The following UBE3A variants were observed in gnomAD, a reference collection of about 807,000 sequenced individuals.
The protein encoded by UBE3A is ubiquitin protein ligase E3A, also known as ubiquitin-protein ligase E3A.
In UBE3A, 6 loss-of-function variants were observed where a neutral mutation model predicts 83.4. The observed-to-expected ratio is 0.07, with a 90% CI of 0.04 to 0.14. The LOEUF (loss-of-function observed/expected upper bound fraction) is 0.14, where lower values mean the gene tolerates loss of function less well. Among genes scored for constraint, UBE3A ranks in the 10% least tolerant of loss-of-function variants. UBE3A has a pLI of 1.00. For synonymous variants in UBE3A, 337 were observed against 355.4 expected (o/e 0.95, Z 0.58); for missense variants, 456 against 1,036.1 (o/e 0.44, Z 7.69).
rs1008903975 is a variant in UBE3A, at chr15:25,337,528, T to TAACA, written c.*1605_*1608dup. 18 of 152,286 alleles carry TAACA rather than the reference T, an allele frequency of 1.2e-4. No individual in the cohort carries two copies. Among genetic ancestry groups the TAACA allele is most frequent in the South Asian group, 4.1e-4 (2 of 4,832 alleles). 9.4% of individuals were successfully genotyped at this position (152,286 alleles called of 1,614,324 possible). The stretch of plus-strand genomic sequence containing the variant: ...CAGTTTTATTTAGCATTATGGTACA[T>TAACA]AACAAACAGTTCTGTCTCAATTATG... On this transcript the variant is annotated 3_prime_UTR_variant, in exon 13 of 13. Coordinates refer to ENST00000648336, the MANE Select transcript of UBE3A (RefSeq NM_130839.5).
At chr15:25,365,077 G>A (rs775526560) in intron 6 of UBE3A, among the ~76,000 whole-genome samples, 5 of 152,020 alleles carry the variant, frequency 3.3e-5, no homozygotes, top group Non-Finnish European at 1.5e-5. Flanking sequence ...TCTTCACTGC[G>A]TAACTTCCTC....
chr15:25,435,536 A>G (rs972884640), intron 1 of UBE3A, among the ~76,000 whole-genome samples: 3 of 152,154 alleles, frequency 2.0e-5, no homozygotes, highest in African/African-American at 7.2e-5. Context: ...AATGGAATTA[A>G]TGCCTCTATA....
At chr15:25,433,317 G>T (rs905467656) in intron 1 of UBE3A, among the ~76,000 whole-genome samples, 1 of 151,398 alleles carries the variant, frequency 6.6e-6, no homozygotes, top group African/African-American at 2.4e-5. Context: ...CTGAGTAGTT[G>T]GGACTACAGG....
chr15:25,395,878 G>A (rs1169422866), intron 4 of UBE3A, among the ~76,000 whole-genome samples: 1 of 152,154 alleles, frequency 6.6e-6, no homozygotes, highest in African/African-American at 2.4e-5. Context: ...CATAGCCTTA[G>A]TGTTAGAGGT....
chr15:25,340,006 A>G, intron 12 of UBE3A, 79 bp downstream of exon 12: 12 of 1,564,374 alleles, frequency 7.7e-6, no homozygotes, highest in Non-Finnish European at 1.1e-5. Context: ...CTCAGAAACT[A>G]TAAAGACAGT....
At chr15:25,399,618 G>C (rs1179175710) in intron 4 of UBE3A, among the ~76,000 whole-genome samples, 2 of 151,972 alleles carry the variant, frequency 1.3e-5, no homozygotes, top group Non-Finnish European at 2.9e-5. Context: ...ATCCAGGCTG[G>C]AGTGCAGTGA....
intron 1 of UBE3A, among the ~76,000 whole-genome samples, chr15:25,429,118 T>G (rs766370466): frequency 6.6e-6 from 1 of 152,210 alleles, no homozygotes; most frequent in African/African-American, 2.4e-5. Flanking sequence ...GACAGCGTTA[T>G]ACATGTCTGT....
rs898609865 is a variant in UBE3A, at chr15:25,387,836, G to A, written c.63-12073C>T. The stretch of plus-strand genomic sequence containing the variant: ...TAAAAGGATAATCAAGGGATATTAT[G>A]AACAACTTTACGGCCACGAATTTGG... On this transcript the variant is annotated intron_variant, in intron 4 of 12. Coordinates refer to ENST00000648336, the MANE Select transcript of UBE3A (RefSeq NM_130839.5). Among the ~76,000 whole-genome samples the A allele has an allele frequency of 3.9e-5, 6 of 152,242 alleles. No homozygotes were observed. In the East Asian group the frequency reaches 9.7e-4, roughly 25 times the overall value.
chr15:25,388,651 A>G (rs1331366977), intron 4 of UBE3A, among the ~76,000 whole-genome samples: 1 of 152,182 alleles, frequency 6.6e-6, no homozygotes, highest in African/African-American at 2.4e-5. Flanking sequence ...ACAAAAAAAT[A>G]CAACTGCCTT....
chr15:25,409,431 G>T, intron 2 of UBE3A: 1 of 232,548 alleles, frequency 4.3e-6, no homozygotes, highest in Non-Finnish European at 8.4e-6. Flanking sequence ...TTTATGTAAT[G>T]TTATAGTTTC....
chr15:25,436,124 C>G (rs1441305721), intron 1 of UBE3A, among the ~76,000 whole-genome samples: 1 of 152,138 alleles, frequency 6.6e-6, no homozygotes, highest in African/African-American at 2.4e-5. Flanking sequence ...TGTCTTGTTA[C>G]TACATTTTAT....
At chr15:25,431,815 A>C (rs1441843783) in intron 1 of UBE3A, among the ~76,000 whole-genome samples, 1 of 152,248 alleles carries the variant, frequency 6.6e-6, no homozygotes, top group Non-Finnish European at 1.5e-5. Context: ...ACAAAAACTT[A>C]AAATATTTAG....
At chr15:25,364,937 C>T (rs1214123657) in intron 6 of UBE3A, among the ~76,000 whole-genome samples, 10 of 151,984 alleles carry the variant, frequency 6.6e-5, no homozygotes, top group Admixed American at 2.0e-4. Flanking sequence ...TGAGCCACCG[C>T]GCCAGGCCAA....
At chr15:25,410,912 A>G (rs749889950) in intron 2 of UBE3A, among the ~76,000 whole-genome samples, 3 of 152,184 alleles carry the variant, frequency 2.0e-5, no homozygotes, top group Non-Finnish European at 4.4e-5. Flanking sequence ...TTCTCAAGAG[A>G]CTAATGGTAT....
At chr15:25,416,604 CA>C (rs766152119) in intron 1 of UBE3A, among the ~76,000 whole-genome samples, 46 of 139,364 alleles carry the variant, frequency 3.3e-4, no homozygotes, top group Non-Finnish European at 5.4e-4. Flanking sequence ...GAAAGTGCAA[CA>C]AGCTATACAC....
chr15:25,434,840 C>T (rs974914995), intron 1 of UBE3A, among the ~76,000 whole-genome samples: 2 of 152,136 alleles, frequency 1.3e-5, no homozygotes, highest in Non-Finnish European at 2.9e-5. Flanking sequence ...GAGCAGCTGA[C>T]CTCATAGACA....
rs2152499385 is a variant in UBE3A at position 25,336,994 on chromosome 15, A to T, written c.*2143T>A. On this transcript the variant is annotated 3_prime_UTR_variant, in exon 13 of 13. Coordinates refer to ENST00000648336, the MANE Select transcript of UBE3A (RefSeq NM_130839.5). ...GTAATGAAAAGGCAGCAAAAGTAAG[A>T]GGAGTGACAACATGCCCGGCATAAT... 1 of 152,276 alleles carries T rather than the reference A, an allele frequency of 6.6e-6. No individual in the cohort carries two copies. The highest frequency in any genetic ancestry group is 1.5e-5 in the Non-Finnish European group (1 of 68,018). 9.4% of individuals were successfully genotyped at this position (152,276 alleles called of 1,614,324 possible).
intron 1 of UBE3A, among the ~76,000 whole-genome samples, chr15:25,436,728 A>C (rs1379984399): frequency 6.6e-6 from 1 of 152,172 alleles, no homozygotes; most frequent in African/African-American, 2.4e-5. Context: ...ACTAGTATGT[A>C]CCTTTCTTAG....
At position 25,354,588 on chromosome 15, in the gene UBE3A, T is replaced by C; in HGVS notation, c.2220A>G (p.Glu740=). ...GTCTGAATAAGTACTTTAAGGGAGATTCATTGGTCACCATATGAAAACCTC... is the reference window on the plus strand; with the variant it reads ...GTCTGAATAAGTACTTTAAGGGAGACTCATTGGTCACCATATGAAAACCTC... ...FRRGFHMVTN[E]SPLKYLFRPE... Residue 740 remains glutamate, a synonymous_variant, in exon 10 of 13, where the codon GAA becomes GAG. Transcript: ENST00000648336. 1 of 1,613,880 alleles carries C rather than the reference T, an allele frequency of 6.2e-7. No homozygotes were observed. Among genetic ancestry groups the C allele is most frequent in the Non-Finnish European group, 8.5e-7 (1 of 1,179,938 alleles).
Sources: allele counts gnomAD v4.1 joint callset (sites outside exome capture counted in the v4.1 genomes callset), GRCh38; gene constraint gnomAD v4.1.1; transcripts MANE v1.5; gene names NCBI Gene and HGNC (gene_info 2026-07-23, HGNC 2026-07-21).